IL12RB1: variants seen among roughly 807,000 people sequenced by gnomAD.
The protein encoded by IL12RB1 is interleukin-12 receptor subunit beta-1.
IL12RB1 carries 64 observed loss-of-function variants against 94.4 expected under a neutral mutation model. The ratio of observed to expected loss-of-function variants is 0.68; its 90% CI spans 0.55 to 0.83. The LOEUF (loss-of-function observed/expected upper bound fraction) is 0.83, where lower values mean the gene tolerates loss of function less well. Among genes scored for constraint, IL12RB1 ranks in the 40% least tolerant of loss-of-function variants. The pLI, the probability that IL12RB1 is intolerant of heterozygous loss-of-function variation, is 0.00. For synonymous variants in IL12RB1, 362 were observed against 355.5 expected, an observed-to-expected ratio of 1.02 and a Z score of -0.21; for missense variants, 814 against 855.6, an observed-to-expected ratio of 0.95 and a Z score of 0.61.
At chr19:18,064,471 T>C (rs2034424981) in intron 12 of IL12RB1, among the ~76,000 whole-genome samples, 1 of 128,182 alleles carries the variant, frequency 7.8e-6, no homozygotes, top group African/African-American at 2.6e-5. Context: ...CCCATTCATC[T>C]CAAGATTTTT....
At chr19:18,061,862 C>CAAAAAAGAAAA (rs1555778907) in intron 14 of IL12RB1, among the ~76,000 whole-genome samples, 156 of 141,962 alleles carry the variant, frequency 1.1e-3, no homozygotes, top group African/African-American at 4.1e-3. Flanking sequence ...GACTCCATCT[C>CAAAAAAGAAAA]AAAAAAGAAA....
In IL12RB1 at chr19:18,080,750, C is replaced by T. The variant is rs545706496; in HGVS notation, c.409+82G>A. 5.4e-6 allele frequency: 5 copies of T among 934,474 alleles called. No homozygotes were observed. The African/African-American group carries it at 8.1e-5, about 15-fold the overall frequency. The allele number at this position is 934,474 out of a possible 1,614,324, so 57.9% of individuals were successfully genotyped here. On this transcript the variant is annotated intron_variant, in intron 4 of 16. Transcript: ENST00000593993. ...TAGTATCAAGTCCCTTGCCAAGGGC[C>T]AGGAATCCTCTCTAGCTCCAGCCTT...
chr19:18,085,023 A>G (rs2036232323), intron 1 of IL12RB1, among the ~76,000 whole-genome samples: 1 of 152,162 alleles, frequency 6.6e-6, no homozygotes, highest in African/African-American at 2.4e-5. Context: ...ATTATTAATA[A>G]CATTTCTCCA....
intron 1 of IL12RB1, among the ~76,000 whole-genome samples, chr19:18,094,589 C>T (rs1474250754): frequency 1.3e-5 from 2 of 152,154 alleles, no homozygotes; most frequent in Non-Finnish European, 2.9e-5. Context: ...AGTTGCTGGG[C>T]GCAGTGGCTC....
At chr19:18,070,413 C>T in intron 9 of IL12RB1, 1 of 486,686 alleles carries the variant, frequency 2.1e-6, no homozygotes, top group Non-Finnish European at 2.7e-6. Context: ...AAGACTAGGC[C>T]TCCCTGGCCT....
chr19:18,094,116 GTGTTT>G (rs1402565322), intron 1 of IL12RB1, among the ~76,000 whole-genome samples: 5 of 152,146 alleles, frequency 3.3e-5, no homozygotes, highest in South Asian at 2.1e-4. Context: ...ATATTGGTTT[GTGTTT>G]TGTTTTGTCT....
chr19:18,064,606 G>A (rs1295965203), intron 12 of IL12RB1, among the ~76,000 whole-genome samples: 5 of 151,702 alleles, frequency 3.3e-5, no homozygotes, highest in South Asian at 2.1e-4. Context: ...CTGAGTAGCC[G>A]GGATTACAGG....
At chr19:18,082,309 G>T (rs146620062) in intron 2 of IL12RB1, 45 bp from the exon 3 acceptor site, 5 of 1,120,700 alleles carry the variant, frequency 4.5e-6, no homozygotes, top group Non-Finnish European at 6.7e-6. Context: ...GAGTCTGGAG[G>T]GGTCTTCGTG....
upstream of IL12RB1, chr19:18,087,003 G>A: frequency 1.5e-6 from 2 of 1,370,668 alleles, no homozygotes; most frequent in Non-Finnish European, 2.0e-6. Context: ...AAGTGAAAGA[G>A]AAACCCAGGA....
At chr19:18,072,037 G>T in intron 9 of IL12RB1, 75 bp downstream of exon 9, 1 of 1,022,142 alleles carries the variant, frequency 9.8e-7, no homozygotes, top group Non-Finnish European at 1.6e-6. Flanking sequence ...CTCTCACCCT[G>T]GTCTAGCTGA....
chr19:18,068,591 T>A, intron 10 of IL12RB1, 65 bp from the exon 11 acceptor site: 1 of 1,385,532 alleles, frequency 7.2e-7, no homozygotes, highest in Non-Finnish European at 1.0e-6. Context: ...ACCTTTGCAC[T>A]GGCTGTGCCA....
intron 6 of IL12RB1, 135 bp downstream of exon 6, chr19:18,076,162 A>G (rs2035461793): frequency 1.4e-6 from 1 of 714,178 alleles, no homozygotes; most frequent in Non-Finnish European, 2.6e-6. Flanking sequence ...GCAATTTGGA[A>G]AGAATCCAAT....
intron 16 of IL12RB1, 64 bp downstream of exon 16, chr19:18,059,830 C>G: frequency 1.0e-6 from 1 of 963,482 alleles, no homozygotes; most frequent in Non-Finnish European, 1.6e-6. Flanking sequence ...CGATGGATGT[C>G]TAGCCCCCCC....
intron 7 of IL12RB1, among the ~76,000 whole-genome samples, chr19:18,075,066 C>A (rs1568504628): frequency 6.7e-6 from 1 of 149,876 alleles, no homozygotes; most frequent in African/African-American, 2.5e-5. Flanking sequence ...AAAAAAACAA[C>A]AAAAAACAAC....
chr19:18,062,352 G>C lies in IL12RB1; in HGVS notation c.1619-75C>G. On this transcript the variant is annotated intron_variant, in intron 13 of 16. Transcript: ENST00000593993. ...TCAGGGAAGGAGCTAGGAGGGCCTG[G>C]TTTCTCCATGAACTTGCTGCTGATC... 2 of 882,734 alleles carry C rather than the reference G, an allele frequency of 2.3e-6. 1 individual carries two copies. The highest frequency in any genetic ancestry group is 3.1e-5 in the South Asian group (2 of 64,238). 54.7% of individuals were successfully genotyped at this position (882,734 alleles called of 1,614,324 possible).
chr19:18,090,645 C>G (rs1355768356), upstream of IL12RB1: 1 of 152,500 alleles, frequency 6.6e-6, no homozygotes, highest in Admixed American at 6.5e-5. Flanking sequence ...CCTCATCTTT[C>G]CCACCTGCAA....
chr19:18,082,864 C>A (rs1376587788), intron 2 of IL12RB1, among the ~76,000 whole-genome samples: 2 of 152,252 alleles, frequency 1.3e-5, no homozygotes, highest in East Asian at 3.9e-4. Flanking sequence ...CTCACCATCA[C>A]CTGAGCTCAG....
At chr19:18,062,104 G>T in intron 14 of IL12RB1, 77 bp downstream of exon 14, 3 of 967,736 alleles carry the variant, frequency 3.1e-6, no homozygotes, top group Non-Finnish European at 1.7e-6. Context: ...CCCAATCTGC[G>T]GGCTAAGCTC....
intron 1 of IL12RB1, among the ~76,000 whole-genome samples, chr19:18,093,940 G>A (rs2036761910): frequency 6.6e-6 from 1 of 152,174 alleles, no homozygotes; most frequent in African/African-American, 2.4e-5. Flanking sequence ...GTGGCCAAGA[G>A]ACCCTGATGC....
Sources: gnomAD v4.1 joint callset for allele counts (sites outside exome capture counted in the v4.1 genomes callset) on GRCh38, gnomAD v4.1.1 for gene constraint, MANE v1.5 for transcripts, NCBI Gene and HGNC (gene_info 2026-07-23, HGNC 2026-07-21) for gene names.